The following YBEY variants were observed in gnomAD, a reference collection of about 807,000 sequenced individuals.
YBEY encodes endoribonuclease YbeY.
A neutral mutation model predicts 13.5 loss-of-function variants in YBEY; 15 were observed. The observed-to-expected ratio is 1.11, with a 90% CI of 0.75 to 1.72. The LOEUF (loss-of-function observed/expected upper bound fraction) is 1.72. YBEY is among the 40% of genes most tolerant of loss of function. The pLI is 0.00. For missense variants in YBEY, 244 were observed against 208.4 expected (o/e 1.17, Z -1.05); for synonymous variants, 101 against 83.1 (o/e 1.21, Z -1.17).
chr21:46,298,119 C>T (rs113446105), downstream of YBEY, among the ~76,000 whole-genome samples: 121 of 152,388 alleles, frequency 7.9e-4, 1 homozygote, highest in African/African-American at 2.4e-3. Context: ...GGACACCGCT[C>T]TAGCCAGGGC....
At chr21:46,297,891 C>G, downstream of YBEY, 1 of 774,310 alleles carries the variant, frequency 1.3e-6, no homozygotes, top group Non-Finnish European at 1.7e-6. Flanking sequence ...TCAAGGGGGT[C>G]CCTGCCCGGA....
At chr21:46,302,162 A>G, downstream of YBEY, 1 of 1,471,038 alleles carries the variant, frequency 6.8e-7, no homozygotes, top group Non-Finnish European at 9.0e-7. Flanking sequence ...GTCCTGCCAC[A>G]GACGCACCTG....
At chr21:46,295,218 A>AG (rs2081910775) in intron 3 of YBEY, among the ~76,000 whole-genome samples, 1 of 151,828 alleles carries the variant, frequency 6.6e-6, no homozygotes, top group African/African-American at 2.4e-5. Context: ...CCCTGAGGGG[A>AG]GGGCCAGCCC....
chr21:46,303,268 G>A, the YBEY span, among the ~76,000 whole-genome samples: 1 of 152,120 alleles, frequency 6.6e-6, no homozygotes, highest in Admixed American at 6.5e-5. Flanking sequence ...GAGCCCAGGA[G>A]TTCGAGGCTG....
Position 46,286,961 on chromosome 21 carries a change from A to G in YBEY, c.48A>G (p.Arg16=). Residue 16 remains arginine (R), a synonymous_variant, in exon 2 of 5, where the codon AGA becomes AGG. Transcript: ENST00000397701. The part of the protein sequence containing the change: ...RNLQRVIPIR[R]APLRSKIEIV... ...TGCAGCGAGTCATCCCCATCAGGAG[A>G]GCGCCACTTCGCAGTAAGATCGAGA... is the stretch of plus-strand genomic sequence containing the variant. 6.2e-7 allele frequency: 1 copy of G among 1,613,986 alleles called. No homozygotes were observed. Among genetic ancestry groups the G allele is most frequent in the South Asian group, 1.1e-5 (1 of 91,074 alleles).
At chr21:46,304,019 G>GT in the YBEY span, among the ~76,000 whole-genome samples, 173 of 106,940 alleles carry the variant, frequency 1.6e-3, 1 homozygote, top group Non-Finnish European at 2.5e-3. Context: ...CCAAAGTGCT[G>GT]GTTTTTTTTT....
chr21:46,302,773 CG>C, the YBEY span, among the ~76,000 whole-genome samples: 1 of 121,592 alleles, frequency 8.2e-6, no homozygotes, highest in Non-Finnish European at 1.8e-5. Context: ...TGCGGGTCCC[CG>C]GGGCGCGCCC....
intron 2 of YBEY, among the ~76,000 whole-genome samples, chr21:46,288,782 C>T (rs1238294260): frequency 1.3e-5 from 2 of 152,100 alleles, no homozygotes; most frequent in Admixed American, 6.6e-5. Flanking sequence ...CTTTGGGAAG[C>T]TAAGGTGGGA....
the YBEY span, among the ~76,000 whole-genome samples, chr21:46,307,085 G>A: frequency 2.0e-5 from 3 of 151,672 alleles, no homozygotes; most frequent in Admixed American, 1.3e-4. Context: ...TAGTAGACAC[G>A]GGATTTCACC....
chr21:46,291,465 A>G lies in YBEY; in HGVS notation c.339+3A>G. 1 of 1,613,564 alleles carries G rather than the reference A, an allele frequency of 6.2e-7. No homozygotes were observed. The highest frequency in any genetic ancestry group is 8.5e-7 in the Non-Finnish European group (1 of 1,179,830). ...AAGATTACAATGACGTCCTGACTGT[A>G]AGCGGGGATGCTGAAATCATATAAC... On this transcript the variant is annotated splice_donor_region_variant and intron_variant, in intron 3 of 4. Coordinates refer to ENST00000397701, the MANE Select transcript of YBEY (RefSeq NM_001314025.2).
chr21:46,301,398 C>T (rs1028808243), downstream of YBEY: 2 of 828,674 alleles, frequency 2.4e-6, no homozygotes, highest in Non-Finnish European at 2.9e-6. Flanking sequence ...CCTCCTGCCT[C>T]AGCCTCTTAA....
At chr21:46,302,555 A>G (rs1302277564), downstream of YBEY, 2 of 1,609,560 alleles carry the variant, frequency 1.2e-6, no homozygotes, top group Non-Finnish European at 1.7e-6. Flanking sequence ...TGCGTTCTGC[A>G]GCAGCAGCAG....
downstream of YBEY, among the ~76,000 whole-genome samples, chr21:46,298,749 G>T (rs1229698965): frequency 6.0e-5 from 9 of 150,486 alleles, 1 homozygote; most frequent in South Asian, 1.9e-3. Flanking sequence ...TTTTGAGGTA[G>T]GGTCTGGCTC....
chr21:46,304,521 T>C, the YBEY span, among the ~76,000 whole-genome samples: 22 of 148,782 alleles, frequency 1.5e-4, no homozygotes, highest in African/African-American at 4.9e-4. Flanking sequence ...CAAAAACAAA[T>C]GGCCAATAAA....
chr21:46,290,672 GCTGAGGCAGGCAGATCAC>G (rs2081661058), intron 2 of YBEY, among the ~76,000 whole-genome samples: 1 of 152,014 alleles, frequency 6.6e-6, no homozygotes, highest in South Asian at 2.1e-4. Flanking sequence ...ACTCTGGGAG[GCTGAGGCAGGCAGATCAC>G]CTGAGGTCAG....
intron 3 of YBEY, 130 bp from the exon 4 acceptor site, chr21:46,296,032 C>G: frequency 1.2e-6 from 1 of 848,352 alleles, no homozygotes; most frequent in Non-Finnish European, 1.9e-6. Flanking sequence ...TAATTCCTGC[C>G]CAGGGGTCTC....
chr21:46,291,578 G>A, intron 3 of YBEY, 116 bp downstream of exon 3: 4 of 1,518,574 alleles, frequency 2.6e-6, no homozygotes, highest in Admixed American at 2.2e-5. Flanking sequence ...GGGCTACTGG[G>A]GGAAGAACCT....
At chr21:46,308,783 A>G in the YBEY span, among the ~76,000 whole-genome samples, 1 of 152,160 alleles carries the variant, frequency 6.6e-6, no homozygotes, top group Non-Finnish European at 1.5e-5. Context: ...TAATGCATAC[A>G]TGAGATAATG....
chr21:46,302,127 G>A (rs2082131354), downstream of YBEY: 2 of 1,515,998 alleles, frequency 1.3e-6, no homozygotes, highest in South Asian at 1.2e-5. Flanking sequence ...GCAGCTCGTG[G>A]GACCCTCGGG....
Sources: allele counts gnomAD v4.1 joint callset (sites outside exome capture counted in the v4.1 genomes callset), GRCh38; gene constraint gnomAD v4.1.1; transcripts MANE v1.5; gene names NCBI Gene and HGNC (gene_info 2026-07-23, HGNC 2026-07-21).